PKHD1: variants seen among roughly 807,000 people sequenced by gnomAD.
PKHD1 encodes the protein PKHD1 ciliary IPT domain containing fibrocystin/polyductin.
Under a neutral mutation model 412.0 loss-of-function variants are expected in PKHD1, and 291 were observed. The observed-to-expected ratio is 0.71, with a 90% CI of 0.64 to 0.78. PKHD1 has a LOEUF of 0.78. Among genes scored for constraint, PKHD1 ranks in the 30% least tolerant of loss-of-function variants. The probability of loss-of-function intolerance (pLI) is 0.00; values close to 1 mark genes in which losing one functional copy is unlikely to be tolerated. For synonymous variants in PKHD1, 1,777 were observed against 1,821.5 expected (o/e 0.98, Z 0.62); for missense variants, 4,825 against 4,950.7 (o/e 0.97, Z 0.76).
chr6:51,778,939 T>C (rs1791518619), intron 53 of PKHD1, among the ~76,000 whole-genome samples: 1 of 152,110 alleles, frequency 6.6e-6, no homozygotes, highest in South Asian at 2.1e-4. Context: ...TAACTCTGAT[T>C]CATCCCTCAA....
chr6:51,863,071 C>T (rs1287156485), intron 48 of PKHD1, among the ~76,000 whole-genome samples: 1 of 151,994 alleles, frequency 6.6e-6, no homozygotes. Context: ...CAAGCAATGA[C>T]CCTGAGGGAT....
chr6:51,657,931 ACTCT>A (rs1772159517), intron 61 of PKHD1, among the ~76,000 whole-genome samples: 1 of 151,968 alleles, frequency 6.6e-6, no homozygotes, highest in South Asian at 2.1e-4. Context: ...CAATAAACTG[ACTCT>A]CTTTCTCTCT....
intron 61 of PKHD1, among the ~76,000 whole-genome samples, chr6:51,655,547 A>G (rs1771680779): frequency 6.6e-6 from 1 of 152,126 alleles, no homozygotes; most frequent in Admixed American, 6.6e-5. Flanking sequence ...ATGGCCCAAA[A>G]TTCATGGCAA....
At chr6:51,771,972 A>G (rs945465069) in intron 55 of PKHD1, among the ~76,000 whole-genome samples, 3 of 152,130 alleles carry the variant, frequency 2.0e-5, no homozygotes, top group Non-Finnish European at 4.4e-5. Context: ...CTATGAAGAT[A>G]ATGTAATAAA....
chr6:51,984,126 T>C (rs1409754680), intron 35 of PKHD1, among the ~76,000 whole-genome samples: 2 of 152,236 alleles, frequency 1.3e-5, no homozygotes, highest in Non-Finnish European at 2.9e-5. Context: ...ATAGAGAGGC[T>C]TCAGCTCTAG....
chr6:51,873,222 A>C (rs1232404169), intron 46 of PKHD1, among the ~76,000 whole-genome samples: 1 of 152,200 alleles, frequency 6.6e-6, no homozygotes, highest in Non-Finnish European at 1.5e-5. Flanking sequence ...TAGCATTATT[A>C]TTTGTAAATA....
intron 49 of PKHD1, among the ~76,000 whole-genome samples, chr6:51,853,629 TC>T (rs1368980500): frequency 1.3e-5 from 2 of 152,198 alleles, no homozygotes; most frequent in African/African-American, 4.8e-5. Context: ...TCCTTTACAT[TC>T]TTTTTTCTTG....
At chr6:51,787,149 A>G (rs1212022597) in intron 53 of PKHD1, among the ~76,000 whole-genome samples, 3 of 152,192 alleles carry the variant, frequency 2.0e-5, no homozygotes, top group African/African-American at 7.2e-5. Flanking sequence ...TCACGAGTTC[A>G]GGAGTTCAAG....
At chr6:51,816,769 G>A (rs1765526310) in intron 52 of PKHD1, among the ~76,000 whole-genome samples, 2 of 152,126 alleles carry the variant, frequency 1.3e-5, no homozygotes, top group Non-Finnish European at 1.5e-5. Flanking sequence ...TCCTTTTTCT[G>A]TCCATAAATC....
At chr6:51,671,621 G>A (rs945524767) in intron 60 of PKHD1, among the ~76,000 whole-genome samples, 61 of 152,018 alleles carry the variant, frequency 4.0e-4, no homozygotes, top group African/African-American at 7.5e-4. Flanking sequence ...GAGGAGAGGC[G>A]CTCTGCTTTT....
intron 60 of PKHD1, among the ~76,000 whole-genome samples, chr6:51,679,434 CTT>C (rs58667694): frequency 4.2e-5 from 6 of 143,642 alleles, no homozygotes; most frequent in South Asian, 2.2e-4. Flanking sequence ...TCCACTAGGA[CTT>C]TTTTTTTTTT....
intron 47 of PKHD1, 70 bp from the exon 48 acceptor site, chr6:51,868,179 G>T: frequency 7.7e-7 from 1 of 1,295,890 alleles, no homozygotes; most frequent in East Asian, 2.3e-5. Flanking sequence ...TGGAGTGATG[G>T]TCTTAGGATT....
intron 39 of PKHD1, among the ~76,000 whole-genome samples, chr6:51,910,912 A>G (rs1413560840): frequency 6.6e-6 from 1 of 151,768 alleles, no homozygotes; most frequent in Non-Finnish European, 1.5e-5. Flanking sequence ...ACATGCACCT[A>G]TATTTAGACA....
In PKHD1 at chr6:52,018,330, A is replaced by G. The variant is rs953655673; in HGVS notation, c.5381-701T>C. Among the ~76,000 whole-genome samples, 3 of 152,128 alleles carry G rather than the reference A, an allele frequency of 2.0e-5. No individual in the cohort carries two copies. In the East Asian group the frequency reaches 5.8e-4, roughly 29 times the overall value. On this transcript the variant is annotated intron_variant, in intron 33 of 66. Coordinates refer to ENST00000371117, the MANE Select transcript of PKHD1 (RefSeq NM_138694.4). ...GTTCAGCTTTACAAGATAGTGCCATATTGTTTTCCAAAGTAGTTGTGCCAT... is the reference window on the plus strand; with the variant it reads ...GTTCAGCTTTACAAGATAGTGCCATGTTGTTTTCCAAAGTAGTTGTGCCAT...
At chr6:51,844,850 G>A (rs1010532137) in intron 50 of PKHD1, among the ~76,000 whole-genome samples, 2 of 152,160 alleles carry the variant, frequency 1.3e-5, no homozygotes, top group East Asian at 1.9e-4. Flanking sequence ...ATGGAATTCC[G>A]TGGCCATGAT....
At chr6:51,832,861 T>C (rs2151524426) in intron 51 of PKHD1, among the ~76,000 whole-genome samples, 1 of 152,222 alleles carries the variant, frequency 6.6e-6, no homozygotes, top group East Asian at 1.9e-4. Flanking sequence ...GTATATAGAT[T>C]GTGGTCAAGC....
chr6:51,649,123 G>A lies in PKHD1; in HGVS notation c.11272C>T (p.Leu3758Phe). 6.2e-7 allele frequency: 1 copy of A among 1,613,866 alleles called. No individual in the cohort carries two copies. The change falls in exon 62 of 67, where the codon CTT becomes TTT. Residue 3758 changes from leucine (L) to phenylalanine (F), a missense_variant. Physicochemically the swap from Leu to Phe is conservative, Grantham distance 22. Coordinates refer to ENST00000371117, the MANE Select transcript of PKHD1 (RefSeq NM_138694.4). Reference sequence around the variant, plus strand: ...AATACCAATTGTGGCTGCACTGGAAGCTCATTTCCCACTTCTCCATCTGAA... The same window carrying A: ...AATACCAATTGTGGCTGCACTGGAAACTCATTTCCCACTTCTCCATCTGAA... The part of the protein sequence containing the change: ...QPSDGEVGNE[L>F]PVQPQLVFLD...
intron 50 of PKHD1, among the ~76,000 whole-genome samples, chr6:51,846,225 ACT>A (rs985985677): frequency 5.9e-5 from 9 of 152,002 alleles, no homozygotes; most frequent in Non-Finnish European, 1.0e-4. Context: ...GGAGCACCAG[ACT>A]CTCTCTCTGA....
chr6:51,868,800 A>C (rs1450186688), intron 47 of PKHD1, among the ~76,000 whole-genome samples: 6 of 152,082 alleles, frequency 3.9e-5, no homozygotes, highest in Admixed American at 2.0e-4. Context: ...TACACTTTCT[A>C]AGTATTAGCT....
Sources: allele counts gnomAD v4.1 joint callset (sites outside exome capture counted in the v4.1 genomes callset), GRCh38; gene constraint gnomAD v4.1.1; transcripts MANE v1.5; gene names NCBI Gene and HGNC (gene_info 2026-07-23, HGNC 2026-07-21).